Variants in CXADR observed in about 807,000 individuals in gnomAD.
CXADR encodes the protein coxsackievirus and adenovirus receptor.
A neutral mutation model predicts 40.3 loss-of-function variants in CXADR; 20 were observed. That is an observed-to-expected ratio of 0.50 (90% CI 0.35 to 0.72). CXADR has a LOEUF of 0.72. Ranked by LOEUF, CXADR falls within the 30% of genes least tolerant of loss-of-function variation. CXADR has a pLI of 0.01. For missense variants in CXADR, 332 were observed against 449.1 expected, an observed-to-expected ratio of 0.74 and a Z score of 2.36; for synonymous variants, 150 against 161.3, an observed-to-expected ratio of 0.93 and a Z score of 0.53.
chr21:17,517,553 G>C (rs114693833), intron 1 of CXADR, among the ~76,000 whole-genome samples: 2,326 of 152,214 alleles, frequency 0.015, 65 homozygotes, highest in African/African-American at 0.053. Flanking sequence ...TGAAAAAGAG[G>C]CATTTTTGTA....
At chr21:17,628,576 C>G in the CXADR span, among the ~76,000 whole-genome samples, 1 of 152,116 alleles carries the variant, frequency 6.6e-6, no homozygotes, top group Non-Finnish European at 1.5e-5. Flanking sequence ...TCTCGGCTCA[C>G]TGCAACCTCT....
intron 1 of CXADR, chr21:17,542,982 C>A (rs1185511716): frequency 6.8e-6 from 2 of 295,448 alleles, no homozygotes; most frequent in African/African-American, 2.3e-5. Flanking sequence ...CTAGGAAACC[C>A]AGGAACTGTT....
At chr21:17,632,066 C>T in the CXADR span, among the ~76,000 whole-genome samples, 3 of 152,174 alleles carry the variant, frequency 2.0e-5, no homozygotes, top group African/African-American at 7.2e-5. Flanking sequence ...CAGCTTCGGC[C>T]TGCCAAAGTG....
At chr21:17,620,202 C>G in the CXADR span, among the ~76,000 whole-genome samples, 1 of 152,222 alleles carries the variant, frequency 6.6e-6, no homozygotes, top group South Asian at 2.1e-4. Context: ...TTAATCATCT[C>G]TAGCTCTTGA....
At position 17,569,882 on chromosome 21, in the gene CXADR, G is replaced by A; in HGVS notation, c.*4190G>A. 1.0e-6 allele frequency: 1 copy of A among 985,084 alleles called. No individual in the cohort carries two copies. The highest frequency in any genetic ancestry group is 4.7e-5 in the South Asian group (1 of 21,266). 61.0% of individuals were successfully genotyped at this position (985,084 alleles called of 1,614,324 possible). On this transcript the variant is annotated 3_prime_UTR_variant, in exon 7 of 7. Coordinates refer to ENST00000284878, the MANE Select transcript of CXADR (RefSeq NM_001338.5). ...CTTTTCCCTAATTGTGAATTTTAGT[G>A]ATAAATACACCTGTACTACTGAGGA...
At chr21:17,594,401 T>C (rs2061476835), downstream of CXADR, 11 of 1,496,784 alleles carry the variant, frequency 7.3e-6, no homozygotes, top group South Asian at 3.8e-5. Flanking sequence ...AGATTTCTCA[T>C]TAAAGACAAA....
At chr21:17,591,676 T>C (rs1180066030) in intron 7 of CXADR, among the ~76,000 whole-genome samples, 1 of 151,864 alleles carries the variant, frequency 6.6e-6, no homozygotes, top group Non-Finnish European at 1.5e-5. Flanking sequence ...AATACAAAAA[T>C]AAAATGGAGA....
chr21:17,556,612 G>A (rs1414579515), intron 3 of CXADR, among the ~76,000 whole-genome samples: 1 of 152,118 alleles, frequency 6.6e-6, no homozygotes, highest in Non-Finnish European at 1.5e-5. Context: ...AGAACTGGAA[G>A]AGAACAAGGC....
chr21:17,605,658 C>A, the CXADR span, among the ~76,000 whole-genome samples: 2 of 152,090 alleles, frequency 1.3e-5, no homozygotes, highest in Non-Finnish European at 2.9e-5. Context: ...AATTTCTAAA[C>A]CAATAAAGCC....
intron 1 of CXADR, among the ~76,000 whole-genome samples, chr21:17,544,796 A>G (rs2123235443): frequency 6.6e-6 from 1 of 152,288 alleles, no homozygotes; most frequent in Admixed American, 6.5e-5. Flanking sequence ...CATGTGATTG[A>G]AAGCTTACGA....
At chr21:17,612,893 CACACGAGTGAGCGCAG>C in the CXADR span, 1 of 152,080 alleles carries the variant, frequency 6.6e-6, no homozygotes, top group Non-Finnish European at 1.5e-5. Context: ...GACGAGCGCG[CACACGAGTGAGCGCAG>C]CCCCAAAGCG....
chr21:17,518,198 G>T (rs1170618261), intron 1 of CXADR, among the ~76,000 whole-genome samples: 7 of 151,894 alleles, frequency 4.6e-5, no homozygotes, highest in Non-Finnish European at 7.4e-5. Flanking sequence ...TTTCCAATTT[G>T]CTCTCCACTG....
intron 1 of CXADR, among the ~76,000 whole-genome samples, chr21:17,516,914 T>G (rs986812231): frequency 8.5e-5 from 13 of 152,250 alleles, no homozygotes; most frequent in African/African-American, 3.1e-4. Context: ...ATGTGTTATA[T>G]GTAGATAAAC....
intron 1 of CXADR, among the ~76,000 whole-genome samples, chr21:17,531,300 A>G (rs1237653061): frequency 1.1e-5 from 1 of 94,250 alleles, no homozygotes; most frequent in Admixed American, 9.0e-5. Flanking sequence ...CTCTGTCTCA[A>G]AAAAAAAAAA....
chr21:17,541,414 G>A lies in CXADR; in HGVS notation c.44-5613G>A, dbSNP rs564848872. ...AAAAATACAAAAAAAAAAATTAGCCGGACGTGGTGGTGGGCACCTGTAGTC... is the reference window on the plus strand; with the variant it reads ...AAAAATACAAAAAAAAAAATTAGCCAGACGTGGTGGTGGGCACCTGTAGTC... On this transcript the variant is annotated intron_variant, in intron 1 of 6. Transcript: ENST00000284878. Among the ~76,000 whole-genome samples the A allele has an allele frequency of 8.5e-5, 13 of 152,072 alleles. 1 individual carries two copies. The South Asian group carries it at 1.9e-3, about 22-fold the overall frequency.
the CXADR span, among the ~76,000 whole-genome samples, chr21:17,602,225 C>A: frequency 2.0e-5 from 3 of 151,804 alleles, no homozygotes; most frequent in Admixed American, 6.6e-5. Context: ...AACTTCTCAT[C>A]ATAGGCAAGA....
At position 17,565,695 on chromosome 21, in the gene CXADR, C is replaced by G; in HGVS notation, c.*3C>G. The G allele has an allele frequency of 1.2e-6, 2 of 1,611,284 alleles. No homozygotes were observed. The highest frequency in any genetic ancestry group is 1.7e-6 in the Non-Finnish European group (2 of 1,179,386). On this transcript the variant is annotated 3_prime_UTR_variant, in exon 7 of 7. Coordinates refer to ENST00000284878, the MANE Select transcript of CXADR (RefSeq NM_001338.5). ...GCAAGGATGGGTCTATAGTATAGAGCCTCCATATGTCTCATCTGTGCTCTC... is the reference window on the plus strand; with the variant it reads ...GCAAGGATGGGTCTATAGTATAGAGGCTCCATATGTCTCATCTGTGCTCTC...
intron 1 of CXADR, among the ~76,000 whole-genome samples, chr21:17,534,325 G>A (rs971110483): frequency 2.0e-5 from 3 of 151,888 alleles, no homozygotes; most frequent in African/African-American, 7.2e-5. Flanking sequence ...TTGATGTCCT[G>A]ACCTTGTGAT....
At chr21:17,604,132 C>G in the CXADR span, 3 of 1,285,836 alleles carry the variant, frequency 2.3e-6, no homozygotes, top group South Asian at 3.8e-5. Context: ...CGAAGTATCA[C>G]TCAGTCACTT....
Sources: allele counts gnomAD v4.1 joint callset (sites outside exome capture counted in the v4.1 genomes callset), GRCh38; gene constraint gnomAD v4.1.1; transcripts MANE v1.5; gene names NCBI Gene and HGNC (gene_info 2026-07-23, HGNC 2026-07-21).